Variants in RFX3 observed in about 807,000 individuals in gnomAD.
RFX3 encodes transcription factor RFX3.
RFX3 carries 14 observed loss-of-function variants against 98.6 expected under a neutral mutation model. That is an observed-to-expected ratio of 0.14 (90% CI 0.09 to 0.22). The LOEUF is 0.22. Ranked by LOEUF, RFX3 falls within the 10% of genes least tolerant of loss-of-function variation. The pLI, the probability that RFX3 is intolerant of heterozygous loss-of-function variation, is 1.00. For synonymous variants in RFX3, 383 were observed against 328.4 expected (o/e 1.17, Z -1.80); for missense variants, 639 against 926.9 (o/e 0.69, Z 4.03).
chr9:3,481,976 ACT>A (rs1432012922), intron 1 of RFX3, among the ~76,000 whole-genome samples: 2 of 152,170 alleles, frequency 1.3e-5, no homozygotes, highest in South Asian at 2.1e-4. Context: ...TCTAGAGAAC[ACT>A]CTGATAATTG....
chr9:3,355,880 T>C (rs1426324026), intron 2 of RFX3, among the ~76,000 whole-genome samples: 1 of 151,892 alleles, frequency 6.6e-6, no homozygotes, highest in Admixed American at 6.6e-5. Context: ...GACAAAAAGA[T>C]ATCTTAAAAA....
intron 2 of RFX3, among the ~76,000 whole-genome samples, chr9:3,376,889 A>G (rs1403367205): frequency 2.6e-5 from 4 of 152,214 alleles, no homozygotes; most frequent in Non-Finnish European, 5.9e-5. Flanking sequence ...CAAAACCACT[A>G]TGAGATACCA....
At chr9:3,395,700 C>T in intron 1 of RFX3, 104 bp from the exon 2 acceptor site, 2 of 1,169,650 alleles carry the variant, frequency 1.7e-6, no homozygotes, top group Non-Finnish European at 2.4e-6. Flanking sequence ...ACTTTCAACT[C>T]TCATACCTCT....
chr9:3,381,358 G>A (rs1839175692), intron 2 of RFX3, among the ~76,000 whole-genome samples: 1 of 151,886 alleles, frequency 6.6e-6, no homozygotes, highest in South Asian at 2.1e-4. Context: ...ATTATTACTG[G>A]GATCTGAAGC....
chr9:3,257,122 C>T lies in RFX3; in HGVS notation c.1683G>A (p.Gln561=), dbSNP rs35483263. 11,528 of 1,613,992 alleles carry T rather than the reference C, an allele frequency of 7.1e-3. 70 individuals are homozygous for T. Among genetic ancestry groups the T allele is most frequent in the Non-Finnish European group, 8.8e-3 (10,381 of 1,179,986 alleles). Residue 561 remains glutamine (Q), a synonymous_variant, in exon 14 of 17, where the codon CAG becomes CAA. Transcript: ENST00000617270. ...CCCACTGCTCCAGGGTGCTCTGCTG[C>T]TGAAGAGTCATCTTGAAGTCTGTTT... ...RLETDFKMTL[Q]QQSTLEQWAA...
At chr9:3,482,932 T>C (rs1380872396) in intron 1 of RFX3, among the ~76,000 whole-genome samples, 3 of 152,196 alleles carry the variant, frequency 2.0e-5, no homozygotes, top group African/African-American at 7.2e-5. Flanking sequence ...TTACACAGTA[T>C]AATGGGAATT....
intron 4 of RFX3, among the ~76,000 whole-genome samples, chr9:3,313,569 T>G (rs1288717068): frequency 6.6e-6 from 1 of 152,076 alleles, no homozygotes; most frequent in East Asian, 1.9e-4. Context: ...AATAACAAAC[T>G]TCTCTGAGCT....
At position 3,237,623 on chromosome 9, in the gene RFX3, C is replaced by T. The variant is rs147759435; in HGVS notation, c.1969-8734G>A. Among the ~76,000 whole-genome samples, 285 of 152,260 alleles carry T rather than the reference C, an allele frequency of 1.9e-3. 2 individuals carry two copies. Among genetic ancestry groups the T allele is most frequent in the African/African-American group, 6.5e-3 (270 of 41,548 alleles). The stretch of plus-strand genomic sequence containing the variant: ...ACAAAGATCAGGAACCTACTATGTG[C>T]CTGTCTGCCTGCCTATCTACTCTAC... On this transcript the variant is annotated intron_variant, in intron 15 of 16. Coordinates refer to ENST00000617270, the MANE Select transcript of RFX3 (RefSeq NM_001282116.2).
At chr9:3,252,630 A>G (rs1162642223) in intron 14 of RFX3, among the ~76,000 whole-genome samples, 1 of 152,192 alleles carries the variant, frequency 6.6e-6, no homozygotes, top group Non-Finnish European at 1.5e-5. Flanking sequence ...AAAGAGAAGA[A>G]TACCTGATAG....
At chr9:3,482,106 A>C (rs1012995041) in intron 1 of RFX3, among the ~76,000 whole-genome samples, 1 of 152,152 alleles carries the variant, frequency 6.6e-6, no homozygotes, top group South Asian at 2.1e-4. Flanking sequence ...AATACTGTAT[A>C]GGATACCACC....
At chr9:3,338,854 C>T (rs1833519862) in intron 3 of RFX3, among the ~76,000 whole-genome samples, 1 of 152,102 alleles carries the variant, frequency 6.6e-6, no homozygotes, top group African/African-American at 2.4e-5. Context: ...CTTTGGGAGG[C>T]CAAGACAGGC....
chr9:3,374,360 G>C (rs1236545894), intron 2 of RFX3, among the ~76,000 whole-genome samples: 1 of 152,144 alleles, frequency 6.6e-6, no homozygotes, highest in Non-Finnish European at 1.5e-5. Context: ...GAGCCTAAAA[G>C]AGATATTTGT....
Position 3,271,113 on chromosome 9 carries a change from T to C in RFX3, c.1092A>G (p.Ile364Met). 6.2e-7 allele frequency: 1 copy of C among 1,613,590 alleles called. No homozygotes were observed. The highest frequency in any genetic ancestry group is 8.5e-7 in the Non-Finnish European group (1 of 1,179,684). Residue 364 changes from isoleucine to methionine, a missense_variant, in exon 10 of 17, where the codon ATA (isoleucine) becomes ATG (methionine). Coordinates refer to ENST00000617270, the MANE Select transcript of RFX3 (RefSeq NM_001282116.2). ...ATTGAAGATTCACAACAACGTCCAA[T>C]ATTGCCTAAAAAACAAAATGGTACC... is the stretch of plus-strand genomic sequence containing the variant. ...QSLYREHCEA[I>M]LDVVVNLQFS...
At chr9:3,402,047 A>G (rs775906601) in intron 1 of RFX3, among the ~76,000 whole-genome samples, 1 of 152,240 alleles carries the variant, frequency 6.6e-6, no homozygotes, top group Non-Finnish European at 1.5e-5. Flanking sequence ...ATTATTTAAT[A>G]CACTCAAATT....
chr9:3,332,176 G>A (rs1055608766), intron 3 of RFX3, among the ~76,000 whole-genome samples: 2 of 152,042 alleles, frequency 1.3e-5, no homozygotes, highest in Admixed American at 6.6e-5. Context: ...TACAGGCTGA[G>A]AATACCTTAT....
At chr9:3,383,181 A>C (rs1839371004) in intron 2 of RFX3, among the ~76,000 whole-genome samples, 1 of 151,898 alleles carries the variant, frequency 6.6e-6, no homozygotes, top group Non-Finnish European at 1.5e-5. Flanking sequence ...AAGGTTCTAT[A>C]TTTATTGATG....
chr9:3,412,356 T>C (rs191735962), intron 1 of RFX3, among the ~76,000 whole-genome samples: 1 of 152,310 alleles, frequency 6.6e-6, no homozygotes, highest in East Asian at 1.9e-4. Flanking sequence ...CACACCATTT[T>C]ATAAGGAATG....
At chr9:3,507,215 T>G (rs184750571) in intron 1 of RFX3, among the ~76,000 whole-genome samples, 1 of 151,958 alleles carries the variant, frequency 6.6e-6, no homozygotes, top group Admixed American at 6.6e-5. Flanking sequence ...TTACTAGAAA[T>G]GAACCCATCA....
chr9:3,265,285 G>C (rs1254661047), intron 12 of RFX3, among the ~76,000 whole-genome samples: 2 of 152,156 alleles, frequency 1.3e-5, no homozygotes, highest in African/African-American at 2.4e-5. Context: ...CACATTTCTA[G>C]AGGAACAATC....
Sources: gnomAD v4.1 joint callset for allele counts (sites outside exome capture counted in the v4.1 genomes callset) on GRCh38, gnomAD v4.1.1 for gene constraint, MANE v1.5 for transcripts, NCBI Gene and HGNC (gene_info 2026-07-23, HGNC 2026-07-21) for gene names.